Variants in CYREN observed in about 807,000 individuals in gnomAD.
The protein encoded by CYREN is cell cycle regulator of non-homologous end joining.
Under a neutral mutation model 9.7 loss-of-function variants are expected in CYREN, and 7 were observed. The observed-to-expected ratio is 0.72, with a 90% CI of 0.41 to 1.36. CYREN has a LOEUF of 1.36. Among genes scored for constraint, CYREN ranks in the 40% most tolerant of loss-of-function variants. The pLI, the probability that CYREN is intolerant of heterozygous loss-of-function variation, is 0.01. For missense variants in CYREN, 215 were observed against 198.1 expected, an observed-to-expected ratio of 1.09 and a Z score of -0.51; for synonymous variants, 76 against 77.9, an observed-to-expected ratio of 0.98 and a Z score of 0.13.
intron 2 of CYREN, chr7:135,094,698 A>G: frequency 5.6e-6 from 2 of 357,810 alleles, no homozygotes; most frequent in South Asian, 4.3e-5. Flanking sequence ...TAGGTTAGAG[A>G]CAAATGAAGC....
chr7:135,164,858 G>T, downstream of CYREN: 2 of 1,613,996 alleles, frequency 1.2e-6, no homozygotes, highest in Non-Finnish European at 8.5e-7. Context: ...CCTATGTGTG[G>T]AAGTGGGTCA....
intron 2 of CYREN, among the ~76,000 whole-genome samples, chr7:135,123,777 C>T (rs1827475582): frequency 6.6e-6 from 1 of 152,162 alleles, no homozygotes; most frequent in Admixed American, 6.5e-5. Context: ...CCCAGAATTT[C>T]ATATGTGGCC....
At chr7:135,103,464 T>C (rs142121617) in intron 2 of CYREN, among the ~76,000 whole-genome samples, 2 of 152,328 alleles carry the variant, frequency 1.3e-5, no homozygotes, top group East Asian at 3.9e-4. Flanking sequence ...TGTTTCTTTA[T>C]TTTCTTAATA....
upstream of CYREN, among the ~76,000 whole-genome samples, chr7:135,172,323 T>G (rs1284219145): frequency 6.6e-6 from 1 of 152,116 alleles, no homozygotes; most frequent in Non-Finnish European, 1.5e-5. Flanking sequence ...GATACTTTGG[T>G]TTTGGTTTTG....
intron 2 of CYREN, among the ~76,000 whole-genome samples, chr7:135,158,662 G>C (rs1829853127): frequency 6.6e-6 from 1 of 152,082 alleles, no homozygotes; most frequent in African/African-American, 2.4e-5. Flanking sequence ...GCTACCTTGG[G>C]CCTGGGATCA....
At chr7:135,140,613 G>A (rs984968268) in intron 2 of CYREN, among the ~76,000 whole-genome samples, 1 of 152,096 alleles carries the variant, frequency 6.6e-6, no homozygotes, top group African/African-American at 2.4e-5. Context: ...TAGCAGTGGT[G>A]CAAGTGGACA....
At chr7:135,096,584 C>CATACATAGATAGATAGATAG (rs1822811727) in intron 2 of CYREN, among the ~76,000 whole-genome samples, 2 of 88,860 alleles carry the variant, frequency 2.3e-5, no homozygotes, top group East Asian at 5.6e-4. Context: ...TAGATAGATA[C>CATACATAGATAGATAGATAG]ATAGATAGAT....
chr7:135,120,026 T>C (rs1826919528), intron 2 of CYREN, among the ~76,000 whole-genome samples: 1 of 152,156 alleles, frequency 6.6e-6, no homozygotes, highest in African/African-American at 2.4e-5. Flanking sequence ...CTTAGAATCC[T>C]ATACCCAGTG....
At chr7:135,102,748 T>C (rs1225807106) in intron 2 of CYREN, among the ~76,000 whole-genome samples, 1 of 151,714 alleles carries the variant, frequency 6.6e-6, no homozygotes, top group Non-Finnish European at 1.5e-5. Context: ...AACCCTTGTC[T>C]TACACCATAG....
intron 2 of CYREN, among the ~76,000 whole-genome samples, chr7:135,154,715 T>C (rs572018174): frequency 3.9e-5 from 6 of 152,342 alleles, no homozygotes; most frequent in African/African-American, 1.2e-4. Context: ...GAGAAGATAC[T>C]TGATATAATT....
At chr7:135,164,929 TCTTG>T, downstream of CYREN, 1 of 1,614,040 alleles carries the variant, frequency 6.2e-7, no homozygotes, top group Non-Finnish European at 8.5e-7. Context: ...TTACTCATCC[TCTTG>T]CTTATAGCCA....
Position 135,150,600 on chromosome 7 carries a change from G to A in CYREN, n.356+18149C>T, listed in dbSNP as rs571449648. ...ATTGCGGAAGAGAGGGCTGGTGCGG[G>A]AAAACTAACCATTGACAGCCAAAGG... On this transcript the variant is annotated intron_variant and non_coding_transcript_variant, in intron 2 of 2. Coordinates refer to the CYREN transcript ENST00000459937. Among the ~76,000 whole-genome samples the A allele has an allele frequency of 4.3e-4, 65 of 152,294 alleles. 2 individuals carry two copies. In the South Asian group the frequency reaches 0.012, roughly 29 times the overall value.
chr7:135,102,659 G>A (rs939268765), intron 2 of CYREN, among the ~76,000 whole-genome samples: 1 of 150,496 alleles, frequency 6.6e-6, no homozygotes, highest in Non-Finnish European at 1.5e-5. Flanking sequence ...TGCTTGGAAG[G>A]TTTTACCCCA....
At chr7:135,129,690 T>G in intron 2 of CYREN, 1 of 774,162 alleles carries the variant, frequency 1.3e-6, no homozygotes, top group East Asian at 2.5e-5. Flanking sequence ...GATTGAAGAC[T>G]AGTTAACTAC....
intron 2 of CYREN, among the ~76,000 whole-genome samples, chr7:135,141,676 T>C (rs1011949736): frequency 4.6e-5 from 7 of 152,096 alleles, no homozygotes; most frequent in Non-Finnish European, 1.0e-4. Context: ...CTTTTGGATG[T>C]TGGCATTTAG....
At chr7:135,099,063 A>G (rs1177099085) in intron 2 of CYREN, among the ~76,000 whole-genome samples, 1 of 152,204 alleles carries the variant, frequency 6.6e-6, no homozygotes, top group Non-Finnish European at 1.5e-5. Flanking sequence ...ATGTAACAGC[A>G]AAGTAAATAA....
At chr7:135,097,207 G>A (rs1041005830) in intron 2 of CYREN, among the ~76,000 whole-genome samples, 80 of 151,990 alleles carry the variant, frequency 5.3e-4, no homozygotes, top group African/African-American at 1.7e-3. Context: ...ATATCCCGTC[G>A]GTCAACAAAG....
intron 2 of CYREN, among the ~76,000 whole-genome samples, chr7:135,143,464 A>G (rs1829488751): frequency 6.6e-6 from 1 of 152,186 alleles, no homozygotes; most frequent in Admixed American, 6.5e-5. Context: ...GCCTTCACAA[A>G]AATTAACTGA....
intron 2 of CYREN, among the ~76,000 whole-genome samples, chr7:135,139,950 G>A (rs1007854703): frequency 6.6e-6 from 1 of 152,066 alleles, no homozygotes; most frequent in African/African-American, 2.4e-5. Context: ...GTACCATGTT[G>A]TTTTGGTTAC....
Sources: allele counts gnomAD v4.1 joint callset (sites outside exome capture counted in the v4.1 genomes callset), GRCh38; gene constraint gnomAD v4.1.1; transcripts MANE v1.5; gene names NCBI Gene and HGNC (gene_info 2026-07-23, HGNC 2026-07-21).